Variants in PKHD1 observed in about 807,000 individuals in gnomAD.
PKHD1 encodes the protein fibrocystin.
Under a neutral mutation model 412.0 loss-of-function variants are expected in PKHD1, and 291 were observed. That is an observed-to-expected ratio of 0.71 (90% confidence interval 0.64 to 0.78). The LOEUF (loss-of-function observed/expected upper bound fraction) is 0.78, where lower values mean the gene tolerates loss of function less well. Ranked by LOEUF, PKHD1 falls within the 30% of genes least tolerant of loss-of-function variation. The probability of loss-of-function intolerance (pLI) is 0.00; values close to 1 mark genes in which losing one functional copy is unlikely to be tolerated. For missense variants in PKHD1, 4,825 were observed against 4,950.7 expected, an observed-to-expected ratio of 0.97 and a Z score of 0.76; for synonymous variants, 1,777 against 1,821.5, an observed-to-expected ratio of 0.98 and a Z score of 0.62.
At chr6:51,954,010 C>T (rs1408511395) in intron 36 of PKHD1, among the ~76,000 whole-genome samples, 1 of 151,978 alleles carries the variant, frequency 6.6e-6, no homozygotes, top group African/African-American at 2.4e-5. Flanking sequence ...TCTTTATTAC[C>T]CAGCTAATTC....
chr6:51,777,156 T>C (rs2151167806), intron 53 of PKHD1, among the ~76,000 whole-genome samples: 1 of 152,224 alleles, frequency 6.6e-6, no homozygotes, highest in South Asian at 2.1e-4. Context: ...CTAAATACAA[T>C]GTGAAATAAC....
chr6:52,065,869 G>C, intron 12 of PKHD1, 107 bp downstream of exon 12: 1 of 727,484 alleles, frequency 1.4e-6, no homozygotes, highest in Non-Finnish European at 2.5e-6. Context: ...TGATGAGTCA[G>C]AAGGGGCAAA....
chr6:51,689,292 G>A (rs1430080598), intron 60 of PKHD1, among the ~76,000 whole-genome samples: 4 of 152,018 alleles, frequency 2.6e-5, no homozygotes, highest in African/African-American at 4.8e-5. Flanking sequence ...GATAAAATTC[G>A]ACATCAGTTC....
chr6:51,807,457 AAAT>A (rs1448960618), intron 52 of PKHD1, among the ~76,000 whole-genome samples: 5 of 38,770 alleles, frequency 1.3e-4, no homozygotes, highest in African/African-American at 4.0e-4. Context: ...AAAAAAAAAA[AAAT>A]ATATATATAT....
intron 36 of PKHD1, among the ~76,000 whole-genome samples, chr6:51,941,960 C>T (rs533240486): frequency 7.3e-5 from 11 of 151,598 alleles, no homozygotes; most frequent in Admixed American, 2.0e-4. Context: ...TCTCATAAAA[C>T]GTGTTTTCCC....
intron 60 of PKHD1, 60 bp downstream of exon 60, chr6:51,744,325 C>G: frequency 6.8e-7 from 1 of 1,461,176 alleles, no homozygotes; most frequent in Non-Finnish European, 9.6e-7. Context: ...CACAGCAAAA[C>G]CAGCTCCTTC....
Position 52,046,135 on chromosome 6 carries a change from C to T in PKHD1, c.2461G>A (p.Ala821Thr). Reference protein sequence around the residue: ...HHLHQLLQNNADDFTSRYLNA... With the variant: ...HHLHQLLQNNTDDFTSRYLNA... ...AGGTACCTGGATGTGAAGTCATCGG[C>T]ATTATTCTGTAAGAGCTGGTGAAGG... The change falls in exon 24 of 67, where the codon GCC (alanine) becomes ACC (threonine). Residue 821 changes from alanine to threonine, a missense_variant. By Grantham distance (58) the Ala-to-Thr change is moderately conservative. Coordinates refer to ENST00000371117, the MANE Select transcript of PKHD1 (RefSeq NM_138694.4). 1 of 1,613,724 alleles carries T rather than the reference C, an allele frequency of 6.2e-7. No homozygotes were observed. The highest frequency in any genetic ancestry group is 8.5e-7 in the Non-Finnish European group (1 of 1,179,642).
At chr6:51,690,791 C>A (rs1202570079) in intron 60 of PKHD1, among the ~76,000 whole-genome samples, 1 of 152,054 alleles carries the variant, frequency 6.6e-6, no homozygotes, top group Non-Finnish European at 1.5e-5. Flanking sequence ...AAAGCAATTG[C>A]AACAAAAGCA....
At chr6:51,686,728 C>T (rs1777491399) in intron 60 of PKHD1, among the ~76,000 whole-genome samples, 1 of 152,116 alleles carries the variant, frequency 6.6e-6, no homozygotes, top group Non-Finnish European at 1.5e-5. Context: ...GCCAGAAAAG[C>T]ACCAGGCACA....
intron 6 of PKHD1, 145 bp downstream of exon 6, chr6:52,076,131 T>C (rs1413143384): frequency 4.4e-6 from 3 of 688,990 alleles, no homozygotes; most frequent in Non-Finnish European, 8.0e-6. Flanking sequence ...ACGTTAAAAA[T>C]GAACCAGAGG....
At chr6:51,761,310 T>C (rs1489124851) in intron 55 of PKHD1, among the ~76,000 whole-genome samples, 3 of 152,056 alleles carry the variant, frequency 2.0e-5, no homozygotes, top group Non-Finnish European at 1.5e-5. Flanking sequence ...CTACGTTAAG[T>C]GAAATGATCC....
chr6:51,853,094 C>A (rs372889738), intron 49 of PKHD1, among the ~76,000 whole-genome samples: 77 of 152,216 alleles, frequency 5.1e-4, no homozygotes, highest in African/African-American at 1.8e-3. Flanking sequence ...TCTTGCAGGG[C>A]AGGTCTGGTG....
At chr6:51,993,444 G>T (rs1372152011) in intron 35 of PKHD1, among the ~76,000 whole-genome samples, 1 of 152,214 alleles carries the variant, frequency 6.6e-6, no homozygotes. Flanking sequence ...CCATGAAGCT[G>T]GGAGTTAATT....
chr6:51,884,697 A>C (rs1267683507), intron 45 of PKHD1, among the ~76,000 whole-genome samples: 1 of 152,178 alleles, frequency 6.6e-6, no homozygotes, highest in African/African-American at 2.4e-5. Flanking sequence ...AATTTCAAAA[A>C]ATGGCTTTAT....
intron 63 of PKHD1, among the ~76,000 whole-genome samples, chr6:51,644,898 T>C (rs1769890149): frequency 6.6e-6 from 1 of 152,160 alleles, no homozygotes; most frequent in Non-Finnish European, 1.5e-5. Flanking sequence ...CAGGATGGTC[T>C]TGATCTCTTG....
intron 60 of PKHD1, among the ~76,000 whole-genome samples, chr6:51,697,782 T>C (rs1486519540): frequency 6.6e-6 from 1 of 152,208 alleles, no homozygotes; most frequent in Non-Finnish European, 1.5e-5. Context: ...ACTCTGACTA[T>C]AAACAACAAC....
At chr6:52,006,633 T>C (rs1799102651) in intron 35 of PKHD1, among the ~76,000 whole-genome samples, 1 of 152,140 alleles carries the variant, frequency 6.6e-6, no homozygotes, top group African/African-American at 2.4e-5. Context: ...CACCTTGGCA[T>C]CCCAAAGTGC....
Position 51,836,433 on chromosome 6 carries a change from A to T in PKHD1, c.8144T>A (p.Val2715Glu). The change falls in exon 51 of 67, where the codon GTG becomes GAG. Residue 2715 changes from valine (V) to glutamate (E), a missense_variant. Physicochemically the swap from Val to Glu is moderately radical, Grantham distance 121 (BLOSUM62 -2). Transcript: ENST00000371117. Reference protein sequence around the residue: ...GEGQVQVILRVKEGMPPTISA... With the variant: ...GEGQVQVILREKEGMPPTISA... Reference sequence around the variant, plus strand: ...AATAGTTGGGGGCATACCTTCCTTCACCCGGAGAATGACTTGAACTTGGCC... The same window carrying T: ...AATAGTTGGGGGCATACCTTCCTTCTCCCGGAGAATGACTTGAACTTGGCC... 1.9e-6 allele frequency: 3 copies of T among 1,613,290 alleles called. No individual in the cohort carries two copies. Among genetic ancestry groups the T allele is most frequent in the Non-Finnish European group, 2.5e-6 (3 of 1,179,278 alleles).
At chr6:51,944,083 T>TATC (rs1789038980) in intron 36 of PKHD1, among the ~76,000 whole-genome samples, 1 of 151,926 alleles carries the variant, frequency 6.6e-6, no homozygotes, top group South Asian at 2.1e-4. Flanking sequence ...AAAGAAGTGA[T>TATC]ATTTAAATGG....
Sources: allele counts gnomAD v4.1 joint callset (sites outside exome capture counted in the v4.1 genomes callset), GRCh38; gene constraint gnomAD v4.1.1; transcripts MANE v1.5; gene names NCBI Gene and HGNC (gene_info 2026-07-23, HGNC 2026-07-21).